TANC2: variants seen among roughly 807,000 people sequenced by gnomAD.
TANC2 encodes the protein tetratricopeptide repeat, ankyrin repeat and coiled-coil containing 2, also known as protein TANC2.
TANC2 carries 26 observed loss-of-function variants against 210.5 expected under a neutral mutation model. The ratio of observed to expected loss-of-function variants is 0.12; its 90% CI spans 0.09 to 0.17. TANC2 has a LOEUF of 0.17. Among genes scored for constraint, TANC2 ranks in the 10% least tolerant of loss-of-function variants. The probability of loss-of-function intolerance (pLI) is 1.00; values close to 1 mark genes in which losing one functional copy is unlikely to be tolerated. For missense variants in TANC2, 2,129 were observed against 2,608.9 expected, an observed-to-expected ratio of 0.82 and a Z score of 4.01; for synonymous variants, 931 against 967.1, an observed-to-expected ratio of 0.96 and a Z score of 0.69.
intron 4 of TANC2, among the ~76,000 whole-genome samples, chr17:63,140,663 A>G (rs2039256591): frequency 4.6e-5 from 7 of 152,196 alleles, no homozygotes; most frequent in Admixed American, 4.6e-4. Flanking sequence ...TGCGCTATGT[A>G]ATTCAGTGCT....
At chr17:63,044,426 A>G (rs2035302893) in intron 2 of TANC2, among the ~76,000 whole-genome samples, 1 of 151,998 alleles carries the variant, frequency 6.6e-6, no homozygotes, top group Non-Finnish European at 1.5e-5. Context: ...TGTTTCTTTT[A>G]TGTATTGTAC....
rs34710421 is a variant in TANC2, at chr17:63,349,056, A to AT, written c.1808-2186dup. On this transcript the variant is annotated intron_variant, in intron 12 of 27. Transcript: ENST00000689528. ...CCCTCCTTACTTCCTAAGTGATGAC[A>AT]TTTTTTTTGATACCTACATTAGTAG... is the stretch of plus-strand genomic sequence containing the variant. Among the ~76,000 whole-genome samples, 51 of 151,516 alleles carry AT rather than the reference A, an allele frequency of 3.4e-4. 1 individual carries two copies. The East Asian group carries it at 6.6e-3, about 19-fold the overall frequency.
intron 1 of TANC2, among the ~76,000 whole-genome samples, chr17:62,986,634 C>T (rs2032579920): frequency 6.6e-6 from 1 of 151,976 alleles, no homozygotes; most frequent in East Asian, 2.0e-4. Flanking sequence ...AACACAGGCG[C>T]ATGACTGTAT....
At chr17:63,271,903 T>C (rs567277948) in intron 9 of TANC2, among the ~76,000 whole-genome samples, 1 of 152,340 alleles carries the variant, frequency 6.6e-6, no homozygotes, top group Non-Finnish European at 1.5e-5. Context: ...GTAGGTTGTC[T>C]GTTGACTCTG....
At chr17:63,334,517 TA>T (rs1344905616) in intron 11 of TANC2, among the ~76,000 whole-genome samples, 7 of 152,146 alleles carry the variant, frequency 4.6e-5, no homozygotes, top group Non-Finnish European at 1.0e-4. Context: ...TTCTAATTAA[TA>T]AATGTAGAAA....
intron 4 of TANC2, among the ~76,000 whole-genome samples, chr17:63,141,144 C>A (rs1036793951): frequency 2.0e-5 from 3 of 151,928 alleles, no homozygotes; most frequent in African/African-American, 7.3e-5. Context: ...TAATCTTGGA[C>A]AAGAGATCTT....
At chr17:63,110,147 A>C (rs2145017596) in intron 4 of TANC2, among the ~76,000 whole-genome samples, 1 of 151,354 alleles carries the variant, frequency 6.6e-6, no homozygotes, top group Admixed American at 6.6e-5. Flanking sequence ...TTGAATAGAA[A>C]CTCCTAGTGT....
rs376323478 is a variant in TANC2, at chr17:63,355,400, A to C, written c.2582+10A>C. 2 of 1,543,760 alleles carry C rather than the reference A, an allele frequency of 1.3e-6. No individual in the cohort carries two copies. Among genetic ancestry groups the C allele is most frequent in the Non-Finnish European group, 1.7e-6 (2 of 1,153,182 alleles). On this transcript the variant is annotated intron_variant, in intron 14 of 27. Coordinates refer to ENST00000689528, the Ensembl canonical transcript of TANC2. ...TTCTCTGTGATCCGAGGTAAGACAT[A>C]TATCTGTGATAAACAATTCTGAGTC...
At chr17:63,350,876 G>GAAAAA (rs374621938) in intron 12 of TANC2, among the ~76,000 whole-genome samples, 5 of 121,392 alleles carry the variant, frequency 4.1e-5, no homozygotes. Context: ...GTCAGATAGG[G>GAAAAA]AAAAAAAAAA....
intron 8 of TANC2, among the ~76,000 whole-genome samples, chr17:63,263,985 G>A (rs1311186999): frequency 6.6e-6 from 1 of 152,092 alleles, no homozygotes; most frequent in East Asian, 1.9e-4. Flanking sequence ...TCATTTATTT[G>A]TACCCACTCA....
At chr17:63,192,451 T>C (rs1343502575) in intron 5 of TANC2, among the ~76,000 whole-genome samples, 1 of 152,240 alleles carries the variant, frequency 6.6e-6, no homozygotes, top group Non-Finnish European at 1.5e-5. Context: ...TACAACATGC[T>C]TTGTTAAGAT....
At chr17:63,371,965 A>C (rs559795528) in intron 14 of TANC2, among the ~76,000 whole-genome samples, 1 of 152,300 alleles carries the variant, frequency 6.6e-6, no homozygotes, top group African/African-American at 2.4e-5. Context: ...ATGAGAGTGC[A>C]AGTAGAATTT....
intron 11 of TANC2, among the ~76,000 whole-genome samples, chr17:63,330,311 C>T (rs952660693): frequency 2.0e-5 from 3 of 152,146 alleles, no homozygotes; most frequent in Non-Finnish European, 1.5e-5. Context: ...TGCTGATACA[C>T]GAGCTGTAGC....
At chr17:63,215,789 G>T (rs535520692) in intron 7 of TANC2, among the ~76,000 whole-genome samples, 16 of 150,894 alleles carry the variant, frequency 1.1e-4, no homozygotes, top group African/African-American at 3.2e-4. Flanking sequence ...TCACTCTGTT[G>T]CCCAGGCTGG....
chr17:62,999,597 T>G (rs1039932721), intron 1 of TANC2, among the ~76,000 whole-genome samples: 3 of 151,998 alleles, frequency 2.0e-5, no homozygotes, highest in Non-Finnish European at 4.4e-5. Flanking sequence ...GTAAGCTTTC[T>G]TAAAACATTA....
At chr17:63,335,695 C>T (rs1211922818) in intron 11 of TANC2, among the ~76,000 whole-genome samples, 1 of 150,508 alleles carries the variant, frequency 6.6e-6, no homozygotes, top group East Asian at 1.9e-4. Flanking sequence ...AGAAAAATAA[C>T]TAAATACAGT....
intron 18 of TANC2, chr17:63,396,151 G>C: frequency 2.0e-6 from 1 of 495,550 alleles, no homozygotes. Flanking sequence ...AAGGACCGTG[G>C]AAATGATATA....
chr17:62,975,661 AT>A (rs777924629), intron 1 of TANC2, among the ~76,000 whole-genome samples: 20 of 151,758 alleles, frequency 1.3e-4, no homozygotes, highest in Non-Finnish European at 1.5e-5. Flanking sequence ...AAGTTTAGAA[AT>A]TCCAATGATG....
chr17:62,978,100 G>A (rs1026243361), intron 1 of TANC2, among the ~76,000 whole-genome samples: 1 of 152,002 alleles, frequency 6.6e-6, no homozygotes, highest in Non-Finnish European at 1.5e-5. Flanking sequence ...CCAACTGATG[G>A]ATGTTAAGAT....
Sources: allele counts gnomAD v4.1 joint callset (sites outside exome capture counted in the v4.1 genomes callset), GRCh38; gene constraint gnomAD v4.1.1; transcripts MANE v1.5; gene names NCBI Gene and HGNC (gene_info 2026-07-23, HGNC 2026-07-21).